The following ADAMTS17 variants were observed in gnomAD, a reference collection of about 807,000 sequenced individuals.
ADAMTS17 encodes ADAM metallopeptidase with thrombospondin type 1 motif 17, also known as A disintegrin and metalloproteinase with thrombospondin motifs 17.
A neutral mutation model predicts 141.5 loss-of-function variants in ADAMTS17; 113 were observed. That is an observed-to-expected ratio of 0.80 (90% CI 0.69 to 0.93). The LOEUF is 0.93. ADAMTS17 is among the 40% of genes least tolerant of loss of function. ADAMTS17 has a pLI of 0.00. For synonymous variants in ADAMTS17, 768 were observed against 630.6 expected (o/e 1.22, Z -3.27); for missense variants, 1,659 against 1,517.9 (o/e 1.09, Z -1.54).
intron 1 of ADAMTS17, 57 bp from the exon 2 acceptor site, chr15:100,341,466 C>T (rs1163560511): frequency 3.0e-6 from 3 of 1,006,212 alleles, no homozygotes; most frequent in African/African-American, 1.7e-5. Context: ...CGCCCGCCCT[C>T]CCGCTGGCCG....
intron 7 of ADAMTS17, among the ~76,000 whole-genome samples, chr15:100,233,977 T>C (rs1475774857): frequency 6.6e-6 from 1 of 152,130 alleles, no homozygotes; most frequent in African/African-American, 2.4e-5. Context: ...TGTTAGAAGA[T>C]TCTGAGCAGG....
At chr15:100,246,509 G>A (rs2042990696) in intron 7 of ADAMTS17, among the ~76,000 whole-genome samples, 1 of 152,202 alleles carries the variant, frequency 6.6e-6, no homozygotes, top group South Asian at 2.1e-4. Context: ...GCTAAAGACT[G>A]CAAGTTGTCT....
intron 7 of ADAMTS17, among the ~76,000 whole-genome samples, chr15:100,242,239 T>C (rs2042849692): frequency 6.6e-6 from 1 of 152,182 alleles, no homozygotes; most frequent in Admixed American, 6.5e-5. Context: ...ACCTTGCTCT[T>C]TACACCGTGA....
intron 12 of ADAMTS17, chr15:100,128,951 G>A (rs1022324633): frequency 6.6e-6 from 1 of 152,220 alleles, no homozygotes; most frequent in Non-Finnish European, 1.5e-5. Context: ...GGAAGCCCTA[G>A]CTAATGTCAT....
At chr15:100,124,231 G>T (rs570197214) in intron 12 of ADAMTS17, among the ~76,000 whole-genome samples, 7 of 152,150 alleles carry the variant, frequency 4.6e-5, no homozygotes, top group Non-Finnish European at 8.8e-5. Flanking sequence ...CTCCCAAAGC[G>T]CTGGGATTAT....
chr15:100,217,496 G>A (rs542542231), intron 7 of ADAMTS17, among the ~76,000 whole-genome samples: 156 of 152,300 alleles, frequency 1.0e-3, no homozygotes, highest in African/African-American at 3.7e-3. Context: ...CTACTCGGGA[G>A]GCTGAGGCAG....
chr15:100,177,704 A>G (rs1485290864), intron 8 of ADAMTS17, among the ~76,000 whole-genome samples: 5 of 152,146 alleles, frequency 3.3e-5, no homozygotes, highest in African/African-American at 1.2e-4. Flanking sequence ...TTTTCTGTCT[A>G]ATATTTTTAT....
intron 20 of ADAMTS17, among the ~76,000 whole-genome samples, chr15:99,982,362 C>A (rs1406778167): frequency 2.6e-5 from 4 of 152,130 alleles, no homozygotes; most frequent in Non-Finnish European, 4.4e-5. Flanking sequence ...GTCTGCCTGG[C>A]TCCCTGAGTT....
At chr15:100,329,940 AC>A (rs2046000525) in intron 3 of ADAMTS17, among the ~76,000 whole-genome samples, 1 of 152,242 alleles carries the variant, frequency 6.6e-6, no homozygotes. Flanking sequence ...TTCCAATGTC[AC>A]CAGAATACTA....
In ADAMTS17 at chr15:100,057,085, C is replaced by T. The variant is rs545689682; in HGVS notation, c.2138-3031G>A. ...AGTGTGTGAGGCAGGACGGTCATTC[C>T]TGATCCTCAGAGGCCAGGACTGCTA... On this transcript the variant is annotated intron_variant, in intron 15 of 21. Transcript: ENST00000268070. Among the ~76,000 whole-genome samples the T allele has an allele frequency of 3.9e-5, 6 of 152,118 alleles. No individual in the cohort carries two copies. In the East Asian group the frequency reaches 7.8e-4, roughly 20 times the overall value.
At chr15:100,025,446 C>G (rs536194749) in intron 18 of ADAMTS17, among the ~76,000 whole-genome samples, 242 of 143,070 alleles carry the variant, frequency 1.7e-3, no homozygotes, top group Non-Finnish European at 2.5e-3. Context: ...GACTTTCACT[C>G]TTTTGCCCAG....
chr15:100,054,453 C>T (rs193278781), intron 15 of ADAMTS17, among the ~76,000 whole-genome samples: 2 of 152,276 alleles, frequency 1.3e-5, no homozygotes, highest in Admixed American at 1.3e-4. Context: ...TTTAATGTGT[C>T]CCAGGCTACA....
At chr15:100,203,561 C>A (rs551227622) in intron 7 of ADAMTS17, among the ~76,000 whole-genome samples, 1 of 152,006 alleles carries the variant, frequency 6.6e-6, no homozygotes, top group Non-Finnish European at 1.5e-5. Context: ...AAAAATTAGC[C>A]GGGTGTGGTG....
chr15:100,206,058 C>G lies in ADAMTS17; in HGVS notation c.1076-6635G>C, dbSNP rs371390789. Among the ~76,000 whole-genome samples the G allele has an allele frequency of 1.0e-3, 156 of 152,302 alleles. 4 individuals carry two copies. In the South Asian group the frequency reaches 0.03, roughly 30 times the overall value. On this transcript the variant is annotated intron_variant, in intron 7 of 21. Coordinates refer to ENST00000268070, the MANE Select transcript of ADAMTS17 (RefSeq NM_139057.4). ...CAGTGAGCCACACCCTCATTCTGAC[C>G]GCTCTCTCGGCAAACTTTCCCAGAC...
chr15:100,181,589 G>A (rs559367077), intron 8 of ADAMTS17, among the ~76,000 whole-genome samples: 20 of 152,350 alleles, frequency 1.3e-4, no homozygotes, highest in African/African-American at 4.1e-4. Context: ...TTCTGGCTAA[G>A]TGTGTGTCTA....
chr15:99,994,867 C>G (rs1329268162), intron 19 of ADAMTS17, among the ~76,000 whole-genome samples: 2 of 152,260 alleles, frequency 1.3e-5, no homozygotes, highest in Admixed American at 1.3e-4. Context: ...CCTCGCAGCT[C>G]TTTCTTACGA....
chr15:100,134,148 G>A (rs1385157883), intron 10 of ADAMTS17, among the ~76,000 whole-genome samples: 2 of 152,266 alleles, frequency 1.3e-5, no homozygotes, highest in South Asian at 2.1e-4. Flanking sequence ...ACAGGAGCTG[G>A]TAACTCCCCA....
At chr15:100,324,400 T>C (rs1182548994) in intron 3 of ADAMTS17, among the ~76,000 whole-genome samples, 1 of 152,202 alleles carries the variant, frequency 6.6e-6, no homozygotes, top group Non-Finnish European at 1.5e-5. Flanking sequence ...AGGTTTCTTT[T>C]TTGTGTTTTG....
chr15:100,086,235 T>C lies in ADAMTS17; in HGVS notation c.2137+10121A>G, dbSNP rs569845112. On this transcript the variant is annotated intron_variant, in intron 15 of 21. Coordinates refer to ENST00000268070, the MANE Select transcript of ADAMTS17 (RefSeq NM_139057.4). Reference sequence around the variant, plus strand: ...AAACAGACTTTAAACCAACAAAGATTAAAAGAGACAAAGAAGGCCATTACA... The same window carrying C: ...AAACAGACTTTAAACCAACAAAGATCAAAAGAGACAAAGAAGGCCATTACA... Among the ~76,000 whole-genome samples, 467 of 151,830 alleles carry C rather than the reference T, an allele frequency of 3.1e-3. 2 individuals carry two copies. Among genetic ancestry groups the C allele is most frequent in the Middle Eastern group, 0.01 (3 of 294 alleles).
Sources: gnomAD v4.1 joint callset for allele counts (sites outside exome capture counted in the v4.1 genomes callset) on GRCh38, gnomAD v4.1.1 for gene constraint, MANE v1.5 for transcripts, NCBI Gene and HGNC (gene_info 2026-07-23, HGNC 2026-07-21) for gene names.